Variants in LRRTM4 observed in about 807,000 individuals in gnomAD.
LRRTM4 encodes leucine-rich repeat transmembrane neuronal protein 4.
A neutral mutation model predicts 47.6 loss-of-function variants in LRRTM4; 25 were observed. The observed-to-expected ratio is 0.53, with a 90% CI of 0.38 to 0.73. The LOEUF (loss-of-function observed/expected upper bound fraction) is 0.73. Among genes scored for constraint, LRRTM4 ranks in the 30% least tolerant of loss-of-function variants. LRRTM4 has a pLI of 0.00. For synonymous variants in LRRTM4, 311 were observed against 269.5 expected (o/e 1.15, Z -1.51); for missense variants, 638 against 713.4 (o/e 0.89, Z 1.20).
intron 3 of LRRTM4, among the ~76,000 whole-genome samples, chr2:76,874,531 G>C (rs913240429): frequency 1.1e-4 from 17 of 151,934 alleles, no homozygotes; most frequent in African/African-American, 3.9e-4. Context: ...TATATTTTAT[G>C]CTGATTAAAT....
intron 3 of LRRTM4, among the ~76,000 whole-genome samples, chr2:76,977,265 C>T (rs921861587): frequency 1.3e-5 from 2 of 151,422 alleles, no homozygotes; most frequent in Non-Finnish European, 2.9e-5. Flanking sequence ...TACACTTCCC[C>T]CTAATTTTTT....
In LRRTM4 at chr2:76,809,168, C is replaced by T. The variant is rs1274708725; in HGVS notation, c.1552-60252G>A. Among the ~76,000 whole-genome samples the T allele has an allele frequency of 2.0e-5, 3 of 152,144 alleles. No individual in the cohort carries two copies. The East Asian group carries it at 5.8e-4, about 29-fold the overall frequency. On this transcript the variant is annotated intron_variant, in intron 3 of 3. Coordinates refer to ENST00000409884, the MANE Select transcript of LRRTM4 (RefSeq NM_001134745.3). ...GAAAATCAGTCAGCTATAATGACAC[C>T]AACCAGTGATAAATAACATTAACAT...
At chr2:76,908,178 G>C (rs1227373633) in intron 3 of LRRTM4, among the ~76,000 whole-genome samples, 3 of 149,052 alleles carry the variant, frequency 2.0e-5, no homozygotes, top group South Asian at 2.1e-4. Context: ...GGGATGCAAG[G>C]CTGGTTCAAT....
At chr2:77,396,890 C>G (rs1240690297) in intron 3 of LRRTM4, among the ~76,000 whole-genome samples, 3 of 151,914 alleles carry the variant, frequency 2.0e-5, no homozygotes, top group Non-Finnish European at 4.4e-5. Context: ...GTGGACATTG[C>G]TACCATCTTC....
At chr2:77,355,506 C>A (rs1250779784) in intron 3 of LRRTM4, among the ~76,000 whole-genome samples, 1 of 152,112 alleles carries the variant, frequency 6.6e-6, no homozygotes, top group Non-Finnish European at 1.5e-5. Flanking sequence ...TTCAGGGCAA[C>A]AAATTGCTAC....
intron 3 of LRRTM4, among the ~76,000 whole-genome samples, chr2:77,021,143 T>C (rs935366075): frequency 6.6e-6 from 1 of 151,192 alleles, no homozygotes; most frequent in Non-Finnish European, 1.5e-5. Flanking sequence ...GCCTTATCTA[T>C]CTATTGCCTT....
intron 3 of LRRTM4, among the ~76,000 whole-genome samples, chr2:77,261,446 C>T (rs932365375): frequency 2.0e-5 from 3 of 151,982 alleles, no homozygotes; most frequent in Non-Finnish European, 2.9e-5. Flanking sequence ...CAACATTGTT[C>T]GAGATGGTGG....
At chr2:76,852,517 C>T (rs1230624883) in intron 3 of LRRTM4, among the ~76,000 whole-genome samples, 1 of 152,146 alleles carries the variant, frequency 6.6e-6, no homozygotes, top group African/African-American at 2.4e-5. Context: ...TTTGTCTGTA[C>T]AACCCTTGGA....
chr2:77,500,416 A>G lies in LRRTM4; in HGVS notation c.1551+17902T>C, dbSNP rs1428983319. Among the ~76,000 whole-genome samples, 10 of 151,410 alleles carry G rather than the reference A, an allele frequency of 6.6e-5. No homozygotes were observed. In the East Asian group the frequency reaches 7.7e-4, roughly 12 times the overall value. On this transcript the variant is annotated intron_variant, in intron 3 of 3. Coordinates refer to ENST00000409884, the MANE Select transcript of LRRTM4 (RefSeq NM_001134745.3). ...ATTTGGCATATTGTTTCTGGTTGTA[A>G]TAAGTGCATTAAACATACAACCATA...
At chr2:77,188,027 A>G (rs1248733124) in intron 3 of LRRTM4, among the ~76,000 whole-genome samples, 1 of 152,056 alleles carries the variant, frequency 6.6e-6, no homozygotes, top group Admixed American at 6.6e-5. Flanking sequence ...CTACATACCA[A>G]TTTTACATTT....
chr2:77,491,080 G>A (rs1678135769), intron 3 of LRRTM4, among the ~76,000 whole-genome samples: 1 of 151,784 alleles, frequency 6.6e-6, no homozygotes, highest in Admixed American at 6.6e-5. Flanking sequence ...GAGAAGATCA[G>A]AAAGAGAGAG....
intron 3 of LRRTM4, among the ~76,000 whole-genome samples, chr2:76,912,439 T>C (rs1019088909): frequency 6.6e-6 from 1 of 152,218 alleles, no homozygotes; most frequent in Non-Finnish European, 1.5e-5. Flanking sequence ...TGGATAAGTC[T>C]CATTATAAAA....
rs559050729 is a variant in LRRTM4, at chr2:76,932,932, T to C, written c.1552-184016A>G. Among the ~76,000 whole-genome samples, 4 of 152,260 alleles carry C rather than the reference T, an allele frequency of 2.6e-5. No individual in the cohort carries two copies. In the East Asian group the frequency reaches 7.7e-4, roughly 29 times the overall value. ...CATAGGTATACACGTGCCATGGTGGTTTGCTGTACCCATCAACCCGTCATC... is the reference window on the plus strand; with the variant it reads ...CATAGGTATACACGTGCCATGGTGGCTTGCTGTACCCATCAACCCGTCATC... On this transcript the variant is annotated intron_variant, in intron 3 of 3. Coordinates refer to ENST00000409884, the MANE Select transcript of LRRTM4 (RefSeq NM_001134745.3).
chr2:77,115,809 A>G (rs1187097802), intron 3 of LRRTM4, among the ~76,000 whole-genome samples: 1 of 152,192 alleles, frequency 6.6e-6, no homozygotes, highest in Non-Finnish European at 1.5e-5. Context: ...TACAACATGA[A>G]GGACAGATGG....
chr2:76,780,603 G>T (rs1490569611), intron 3 of LRRTM4, among the ~76,000 whole-genome samples: 1 of 152,022 alleles, frequency 6.6e-6, no homozygotes, highest in Non-Finnish European at 1.5e-5. Flanking sequence ...TTGGTTTTCA[G>T]CTCCATCACC....
chr2:77,482,697 G>T (rs983622358), intron 3 of LRRTM4, among the ~76,000 whole-genome samples: 1 of 152,032 alleles, frequency 6.6e-6, no homozygotes, highest in Non-Finnish European at 1.5e-5. Flanking sequence ...ATCATCAAAA[G>T]CAAGTTTTTA....
intron 3 of LRRTM4, among the ~76,000 whole-genome samples, chr2:76,872,975 C>A (rs749545785): frequency 6.6e-6 from 1 of 152,010 alleles, no homozygotes; most frequent in East Asian, 1.9e-4. Context: ...CTTTTGAGGC[C>A]CCCAGCAAAA....
At chr2:77,414,545 A>G (rs1674566065) in intron 3 of LRRTM4, among the ~76,000 whole-genome samples, 1 of 152,152 alleles carries the variant, frequency 6.6e-6, no homozygotes, top group African/African-American at 2.4e-5. Context: ...TTTGCCAACC[A>G]CAGACACTAC....
At chr2:77,002,264 A>C (rs1473316613) in intron 3 of LRRTM4, among the ~76,000 whole-genome samples, 1 of 152,156 alleles carries the variant, frequency 6.6e-6, no homozygotes, top group Non-Finnish European at 1.5e-5. Context: ...TGGGGACTGC[A>C]AAGTAATTTC....
Sources: allele counts gnomAD v4.1 joint callset (sites outside exome capture counted in the v4.1 genomes callset), GRCh38; gene constraint gnomAD v4.1.1; transcripts MANE v1.5; gene names NCBI Gene and HGNC (gene_info 2026-07-23, HGNC 2026-07-21).